The following NBDY variants were observed in gnomAD, a reference collection of about 807,000 sequenced individuals.
NBDY encodes negative regulator of P-body association.
intron 2 of NBDY, among the ~76,000 whole-genome samples, chrX:56,781,185 C>A (rs2069686514): frequency 9.0e-6 from 1 of 111,624 alleles, no homozygotes; most frequent in African/African-American, 3.3e-5. Flanking sequence ...TTGCATAGGT[C>A]CTCAGGCACA....
chrX:56,730,043 G>A (rs1400195988), intron 1 of NBDY, among the ~76,000 whole-genome samples: 1 of 109,912 alleles, frequency 9.1e-6, no homozygotes, highest in African/African-American at 3.3e-5. Context: ...TCTGTTGAAG[G>A]CCAGCCTTCA....
intron 2 of NBDY, among the ~76,000 whole-genome samples, chrX:56,782,680 G>A (rs2069700528): frequency 9.0e-6 from 1 of 111,701 alleles, no homozygotes; most frequent in South Asian, 3.7e-4. Context: ...GTGTAATCCT[G>A]AGCCATTAGG....
intron 2 of NBDY, among the ~76,000 whole-genome samples, chrX:56,792,672 GACAC>G (rs1267120234): frequency 9.0e-6 from 1 of 111,197 alleles, no homozygotes; most frequent in Non-Finnish European, 1.9e-5. Flanking sequence ...ATTGGACACA[GACAC>G]ACACACCCCA....
intron 2 of NBDY, among the ~76,000 whole-genome samples, chrX:56,752,033 T>C (rs1005619407): frequency 1.8e-5 from 2 of 112,186 alleles, no homozygotes; most frequent in East Asian, 5.6e-4. Context: ...AGGACATAAT[T>C]TCATTGTTTT....
At chrX:56,737,069 T>G (rs2069498627) in intron 2 of NBDY, among the ~76,000 whole-genome samples, 1 of 112,003 alleles carries the variant, frequency 8.9e-6, no homozygotes, top group Non-Finnish European at 1.9e-5. Flanking sequence ...GGAAAAAAAT[T>G]TAACAGTAAA....
At chrX:56,767,361 GC>G (rs2069671451) in intron 2 of NBDY, among the ~76,000 whole-genome samples, 1 of 113,076 alleles carries the variant, frequency 8.8e-6, no homozygotes, top group Non-Finnish European at 1.9e-5. Flanking sequence ...CGCTCTCGGC[GC>G]CCCCTCGGCA....
In NBDY at chrX:56,760,713, T is replaced by TA. The variant is rs943578596; in HGVS notation, c.*166+28522dup. Reference sequence around the variant, plus strand: ...AAACAAACAAACAAACAAAACAAAATAAAAAAAACAAAGAAACAAACCGGC... The same window carrying TA: ...AAACAAACAAACAAACAAAACAAAATAAAAAAAAACAAAGAAACAAACCGGC... On this transcript the variant is annotated intron_variant, in intron 2 of 2. Coordinates refer to ENST00000374922, the MANE Select transcript of NBDY (RefSeq NM_001348129.2). 2.4e-3 allele frequency among the ~76,000 whole-genome samples: 271 copies of TA among 110,738 alleles called. 2 individuals carry two copies. Among genetic ancestry groups the TA allele is most frequent in the Non-Finnish European group, 3.8e-3 (200 of 52,744 alleles).
intron 2 of NBDY, among the ~76,000 whole-genome samples, chrX:56,743,853 A>C (rs2069543971): frequency 1.8e-5 from 2 of 108,344 alleles, no homozygotes; most frequent in Admixed American, 2.0e-4. Flanking sequence ...TTGCTTTTCT[A>C]GTTCTTTAAG....
intron 2 of NBDY, among the ~76,000 whole-genome samples, chrX:56,808,699 C>CA (rs1414350577): frequency 6.3e-5 from 7 of 111,523 alleles, no homozygotes; most frequent in African/African-American, 2.3e-4. Context: ...TTGATCTTTT[C>CA]AAAAAACGAG....
intron 2 of NBDY, among the ~76,000 whole-genome samples, chrX:56,791,950 GTCC>G (rs1398758361): frequency 2.2e-5 from 2 of 91,899 alleles, no homozygotes; most frequent in East Asian, 6.5e-4. Context: ...CTTCTTCTTC[GTCC>G]TCCTCCTCCT....
chrX:56,813,334 G>A (rs2069896204), intron 2 of NBDY, among the ~76,000 whole-genome samples: 1 of 110,808 alleles, frequency 9.0e-6, no homozygotes, highest in African/African-American at 3.3e-5. Flanking sequence ...GCCTTGGCAA[G>A]TTGTGTCCTG....
At chrX:56,738,012 C>T (rs1398212061) in intron 2 of NBDY, among the ~76,000 whole-genome samples, 1 of 111,822 alleles carries the variant, frequency 8.9e-6, no homozygotes, top group African/African-American at 3.3e-5. Context: ...AAATGTGTCA[C>T]AATCAAGAAA....
At chrX:56,766,971 C>T (rs746825275) in intron 2 of NBDY, among the ~76,000 whole-genome samples, 2 of 112,678 alleles carry the variant, frequency 1.8e-5, no homozygotes, top group Non-Finnish European at 3.8e-5. Flanking sequence ...CCTGTGGCTG[C>T]CTGTTGAGCT....
chrX:56,756,706 T>C (rs2069613043), intron 2 of NBDY, among the ~76,000 whole-genome samples: 1 of 112,146 alleles, frequency 8.9e-6, no homozygotes, highest in Non-Finnish European at 1.9e-5. Context: ...TGCTCACTCC[T>C]GTAATCTCAA....
intron 2 of NBDY, among the ~76,000 whole-genome samples, chrX:56,789,209 C>T (rs1402852299): frequency 8.8e-6 from 1 of 113,091 alleles, no homozygotes; most frequent in Non-Finnish European, 1.9e-5. Flanking sequence ...TCCCCACCTA[C>T]GTGGTCACTT....
intron 2 of NBDY, among the ~76,000 whole-genome samples, chrX:56,814,507 T>G (rs771759739): frequency 9.1e-6 from 1 of 109,858 alleles, no homozygotes; most frequent in Non-Finnish European, 1.9e-5. Flanking sequence ...TTTTTTTTTT[T>G]TCTGAGAGGG....
chrX:56,737,869 TATC>T (rs745825197), intron 2 of NBDY, among the ~76,000 whole-genome samples: 21 of 111,931 alleles, frequency 1.9e-4, no homozygotes, highest in Non-Finnish European at 3.9e-4. Context: ...ACGTTTGCCT[TATC>T]ATTCTGTTTT....
At chrX:56,737,488 C>T (rs1309972941) in intron 2 of NBDY, 1 of 888,595 alleles carries the variant, frequency 1.1e-6, no homozygotes, top group Non-Finnish European at 1.6e-6. Context: ...TCATTAACCC[C>T]AGTTTATTGA....
At position 56,794,955 on chromosome X, in the gene NBDY, C is replaced by A. The variant is rs1031565389; in HGVS notation, c.*167-22365C>A. On this transcript the variant is annotated intron_variant, in intron 2 of 2. Coordinates refer to ENST00000374922, the MANE Select transcript of NBDY (RefSeq NM_001348129.2). Reference sequence around the variant, plus strand: ...GTCTGAGACCTTCAGCGACCTCTCTCACTGGAGCCCAGGCACTCATTCGTG... The same window carrying A: ...GTCTGAGACCTTCAGCGACCTCTCTAACTGGAGCCCAGGCACTCATTCGTG... Among the ~76,000 whole-genome samples, 9 of 112,182 alleles carry A rather than the reference C, an allele frequency of 8.0e-5. No individual in the cohort carries two copies. In the Admixed American group the frequency reaches 8.4e-4, roughly 11 times the overall value.
Sources: gnomAD v4.1 joint callset for allele counts (sites outside exome capture counted in the v4.1 genomes callset) on GRCh38, gnomAD v4.1.1 for gene constraint, MANE v1.5 for transcripts, NCBI Gene and HGNC (gene_info 2026-07-23, HGNC 2026-07-21) for gene names.